Variants in GEMIN8 observed in about 807,000 individuals in gnomAD.
The protein encoded by GEMIN8 is gem nuclear organelle associated protein 8.
For synonymous variants in GEMIN8, 80 were observed against 78.5 expected, an observed-to-expected ratio of 1.02 and a Z score of -0.10; for missense variants, 185 against 205.9, an observed-to-expected ratio of 0.90 and a Z score of 0.62.
At chrX:14,028,098 A>T (rs1299181874) in intron 1 of GEMIN8, among the ~76,000 whole-genome samples, 1 of 112,175 alleles carries the variant, frequency 8.9e-6, no homozygotes, top group Admixed American at 9.4e-5. Context: ...TATTCACGGT[A>T]ATTCCATGTT....
chrX:13,985,404 T>C, the GEMIN8 span, among the ~76,000 whole-genome samples: 1 of 112,156 alleles, frequency 8.9e-6, no homozygotes, highest in African/African-American at 3.2e-5. Flanking sequence ...CCTTCTCCAC[T>C]GGTTGGACTT....
rs747399327 is a variant in GEMIN8 at position 14,020,338 on chromosome X, G to A, written c.212C>T (p.Ala71Val). 44 of 1,207,215 alleles carry A rather than the reference G, an allele frequency of 3.6e-5. No individual in the cohort carries two copies. Among genetic ancestry groups the A allele is most frequent in the Admixed American group, 1.7e-4 (8 of 45,811 alleles). Residue 71 changes from alanine (A) to valine (V), a missense_variant, in exon 4 of 5, where the codon GCG (alanine) becomes GTG (valine). Ala to Val is a moderately conservative substitution (Grantham distance 64, BLOSUM62 0). Coordinates refer to ENST00000680255, the MANE Select transcript of GEMIN8 (RefSeq NM_001042479.2). Reference protein sequence around the residue: ...LPQSSYDNEAAYPQSFYDHHV... With the variant: ...LPQSSYDNEAVYPQSFYDHHV... Reference sequence around the variant, plus strand: ...ATGGTCATAGAAGGACTGAGGATACGCAGCCTCATTATCGTAAGAGCTTTG... The same window carrying A: ...ATGGTCATAGAAGGACTGAGGATACACAGCCTCATTATCGTAAGAGCTTTG...
At chrX:13,993,696 A>G in the GEMIN8 span, among the ~76,000 whole-genome samples, 1 of 111,197 alleles carries the variant, frequency 9.0e-6, no homozygotes, top group Admixed American at 9.6e-5. Context: ...AACTACTAGG[A>G]TTACAGGTGT....
chrX:14,019,988 A>G, intron 4 of GEMIN8, 90 bp downstream of exon 4: 1 of 491,953 alleles, frequency 2.0e-6, no homozygotes, highest in South Asian at 3.9e-5. Context: ...GCCAATGAAG[A>G]ATTATAAAAT....
intron 3 of GEMIN8, 152 bp from the exon 4 acceptor site, chrX:14,020,686 G>C: frequency 2.3e-6 from 1 of 444,102 alleles, no homozygotes; most frequent in Non-Finnish European, 3.9e-6. Context: ...CCAAAATATT[G>C]TGTGAGATAG....
chrX:14,018,769 T>A (rs1924105128), intron 4 of GEMIN8, among the ~76,000 whole-genome samples: 1 of 100,631 alleles, frequency 9.9e-6, no homozygotes, highest in East Asian at 3.0e-4. Flanking sequence ...TTCTTTTCTT[T>A]TTTTTTTTTT....
At chrX:14,011,279 T>G (rs1923517737) in intron 4 of GEMIN8, among the ~76,000 whole-genome samples, 1 of 111,463 alleles carries the variant, frequency 9.0e-6, no homozygotes, top group African/African-American at 3.3e-5. Flanking sequence ...ACTGGTGAGA[T>G]ATATTCAGTC....
chrX:14,021,342 A>G lies in GEMIN8; in HGVS notation c.15+122T>C, dbSNP rs1312562372. On this transcript the variant is annotated intron_variant, in intron 3 of 4. Transcript: ENST00000680255. ...GCACACCAACATGGCACATGTATACATATGTAACTAACCTGCCCGTTGTGC... is the reference window on the plus strand; with the variant it reads ...GCACACCAACATGGCACATGTATACGTATGTAACTAACCTGCCCGTTGTGC... 12 of 427,666 alleles carry G rather than the reference A, an allele frequency of 2.8e-5. No individual in the cohort carries two copies. The African/African-American group carries it at 3.1e-4, about 11-fold the overall frequency. The allele number at this position is 427,666 out of a possible 1,213,427, so 35.2% of individuals were successfully genotyped here.
At chrX:14,017,128 T>C (rs143966284) in intron 4 of GEMIN8, among the ~76,000 whole-genome samples, 3 of 109,385 alleles carry the variant, frequency 2.7e-5, no homozygotes, top group Admixed American at 1.0e-4. Context: ...CTAATTAGGA[T>C]CCTATTTCAT....
the GEMIN8 span, chrX:13,988,678 T>C: frequency 5.8e-5 from 6 of 102,889 alleles, no homozygotes; most frequent in East Asian, 1.2e-3. Flanking sequence ...AGTCAACAGA[T>C]TGAACACTAA....
At chrX:14,010,012 A>G in intron 4 of GEMIN8, among the ~76,000 whole-genome samples, 1 of 112,261 alleles carries the variant, frequency 8.9e-6, no homozygotes, top group South Asian at 3.7e-4. Flanking sequence ...AAGGGTGAGG[A>G]AAGGGCAATT....
chrX:14,028,162 C>T (rs973934762), intron 1 of GEMIN8, among the ~76,000 whole-genome samples: 26 of 112,241 alleles, frequency 2.3e-4, no homozygotes, highest in African/African-American at 7.8e-4. Flanking sequence ...TACTTGGGCA[C>T]TTACTCAGTT....
At chrX:13,998,777 T>C in the GEMIN8 span, among the ~76,000 whole-genome samples, 2 of 111,288 alleles carry the variant, frequency 1.8e-5, no homozygotes, top group African/African-American at 3.3e-5. Context: ...TTGAACCAAC[T>C]TGTTCATCAG....
At chrX:14,019,932 C>A in intron 4 of GEMIN8, 146 bp downstream of exon 4, 1 of 399,007 alleles carries the variant, frequency 2.5e-6, no homozygotes, top group African/African-American at 2.5e-5. Flanking sequence ...GTACAGCATC[C>A]CCATAGCTTT....
intron 4 of GEMIN8, among the ~76,000 whole-genome samples, chrX:14,009,906 AATG>A (rs2147116308): frequency 8.9e-6 from 1 of 112,423 alleles, no homozygotes; most frequent in Non-Finnish European, 1.9e-5. Flanking sequence ...CACAGTATGC[AATG>A]ATGATGGATG....
intron 4 of GEMIN8, among the ~76,000 whole-genome samples, chrX:14,011,517 T>TC (rs1491583029): frequency 5.5e-5 from 2 of 36,332 alleles, no homozygotes; most frequent in Admixed American, 2.4e-4. Flanking sequence ...TATGGCTCTC[T>TC]TTTTTTTTTT....
At chrX:14,013,259 G>A (rs1433085680) in intron 4 of GEMIN8, among the ~76,000 whole-genome samples, 1 of 112,308 alleles carries the variant, frequency 8.9e-6, no homozygotes, top group African/African-American at 3.2e-5. Context: ...GACCAGTACG[G>A]ACATCACACT....
chrX:14,029,518 T>A (rs1924873997), intron 1 of GEMIN8: 1 of 112,049 alleles, frequency 8.9e-6, no homozygotes. Flanking sequence ...GGATCAGAAT[T>A]CTTAAAGAGT....
At chrX:14,002,453 G>A (rs752970187), downstream of GEMIN8, among the ~76,000 whole-genome samples, 1 of 110,893 alleles carries the variant, frequency 9.0e-6, no homozygotes, top group Non-Finnish European at 1.9e-5. Flanking sequence ...CATTCCTAAG[G>A]CCGAGGGCTG....
Sources: gnomAD v4.1 joint callset for allele counts (sites outside exome capture counted in the v4.1 genomes callset) on GRCh38, gnomAD v4.1.1 for gene constraint, MANE v1.5 for transcripts, NCBI Gene and HGNC (gene_info 2026-07-23, HGNC 2026-07-21) for gene names.